The following EPHA5 variants were observed in gnomAD, a reference collection of about 807,000 sequenced individuals.
EPHA5 encodes ephrin type-A receptor 5.
In EPHA5, 60 loss-of-function variants were observed where a neutral mutation model predicts 105.0. That is an observed-to-expected ratio of 0.57 (90% CI 0.46 to 0.71). The LOEUF (loss-of-function observed/expected upper bound fraction) is 0.71, where lower values mean the gene tolerates loss of function less well. Among genes scored for constraint, EPHA5 ranks in the 30% least tolerant of loss-of-function variants. EPHA5 has a pLI of 0.00. For synonymous variants in EPHA5, 513 were observed against 449.1 expected, an observed-to-expected ratio of 1.14 and a Z score of -1.80; for missense variants, 1,218 against 1,274.7, an observed-to-expected ratio of 0.96 and a Z score of 0.68.
chr4:65,468,647 C>G (rs1488067770), intron 5 of EPHA5, among the ~76,000 whole-genome samples: 1 of 36,902 alleles, frequency 2.7e-5, no homozygotes, highest in Non-Finnish European at 5.3e-5. Context: ...AACATATATA[C>G]ATATATATGT....
chr4:65,554,015 T>G (rs1738167261), intron 3 of EPHA5, among the ~76,000 whole-genome samples: 1 of 151,808 alleles, frequency 6.6e-6, no homozygotes, highest in Admixed American at 6.6e-5. Flanking sequence ...AGAATATCTC[T>G]TAGCAAAATA....
intron 7 of EPHA5, among the ~76,000 whole-genome samples, chr4:65,414,002 C>A (rs1578058730): frequency 6.6e-6 from 1 of 152,148 alleles, no homozygotes; most frequent in South Asian, 2.1e-4. Flanking sequence ...AGTATGGCAG[C>A]AGTAGAAAGA....
At chr4:65,474,274 T>G (rs10004866) in intron 5 of EPHA5, among the ~76,000 whole-genome samples, 21,745 of 152,148 alleles carry the variant, frequency 0.14, 1,751 homozygotes, top group East Asian at 0.23. Context: ...GTTTTCATCT[T>G]CAAACGTCAT....
At chr4:65,500,899 G>A (rs1322135339) in intron 3 of EPHA5, among the ~76,000 whole-genome samples, 1 of 151,058 alleles carries the variant, frequency 6.6e-6, no homozygotes. Context: ...GTTGTTTGCA[G>A]TGTACAAGAT....
At chr4:65,664,430 G>A (rs1749795428) in intron 1 of EPHA5, among the ~76,000 whole-genome samples, 1 of 151,760 alleles carries the variant, frequency 6.6e-6, no homozygotes, top group Admixed American at 6.6e-5. Flanking sequence ...CTTAAAAAAT[G>A]AACCCATTTT....
At chr4:65,478,164 G>A (rs923747650) in intron 5 of EPHA5, among the ~76,000 whole-genome samples, 1 of 152,050 alleles carries the variant, frequency 6.6e-6, no homozygotes, top group Non-Finnish European at 1.5e-5. Context: ...CAATATAGAC[G>A]GGCAGCTTTA....
chr4:65,608,024 C>G (rs1453241195), intron 2 of EPHA5, among the ~76,000 whole-genome samples: 1 of 152,088 alleles, frequency 6.6e-6, no homozygotes, highest in East Asian at 1.9e-4. Context: ...GAGTTCATGT[C>G]CTTTTCAGGG....
At chr4:65,643,707 C>G (rs538777878) in intron 1 of EPHA5, among the ~76,000 whole-genome samples, 1 of 150,926 alleles carries the variant, frequency 6.6e-6, no homozygotes, top group East Asian at 1.9e-4. Flanking sequence ...AAAAAAAAAG[C>G]TAATAAGGAA....
chr4:65,590,663 G>T (rs4422466), intron 3 of EPHA5, among the ~76,000 whole-genome samples: 137,643 of 152,148 alleles, frequency 0.9, 62,333 homozygotes, highest in Admixed American at 0.92. Flanking sequence ...AAGAGAGAGA[G>T]ACAAATTAAG....
intron 5 of EPHA5, among the ~76,000 whole-genome samples, chr4:65,473,464 G>C (rs908722648): frequency 6.6e-6 from 1 of 152,160 alleles, no homozygotes; most frequent in Non-Finnish European, 1.5e-5. Flanking sequence ...GAGGCCTCAG[G>C]AAAGTTACAA....
intron 3 of EPHA5, among the ~76,000 whole-genome samples, chr4:65,521,551 A>G (rs1307356181): frequency 6.6e-6 from 1 of 152,004 alleles, no homozygotes; most frequent in Non-Finnish European, 1.5e-5. Context: ...AAAATCTGTT[A>G]TGTAAAAGTT....
chr4:65,640,425 A>G (rs979396611), intron 2 of EPHA5, among the ~76,000 whole-genome samples: 4 of 151,406 alleles, frequency 2.6e-5, no homozygotes, highest in African/African-American at 9.7e-5. Flanking sequence ...AGCTGGGACT[A>G]CAGGCGCCCA....
At chr4:65,632,071 C>T (rs937125293) in intron 2 of EPHA5, among the ~76,000 whole-genome samples, 1 of 151,912 alleles carries the variant, frequency 6.6e-6, no homozygotes, top group Admixed American at 6.6e-5. Flanking sequence ...ATCCTTATAA[C>T]AACCTTGTAC....
rs1231349896 is a variant in EPHA5, at chr4:65,365,000, T to A, written c.2173+17A>T. Reference sequence around the variant, plus strand: ...TGAGGATATGCACACACATGTATAATTTGCCATCATACTTACTTTTGGTCA... The same window carrying A: ...TGAGGATATGCACACACATGTATAAATTGCCATCATACTTACTTTTGGTCA... On this transcript the variant is annotated intron_variant, in intron 11 of 16. Coordinates refer to ENST00000613740, the MANE Select transcript of EPHA5 (RefSeq NM_001281766.3). 4 of 1,607,194 alleles carry A rather than the reference T, an allele frequency of 2.5e-6. No individual in the cohort carries two copies. The South Asian group carries it at 3.3e-5, about 13-fold the overall frequency.
chr4:65,422,863 A>G (rs1436797760), intron 5 of EPHA5, among the ~76,000 whole-genome samples: 1 of 152,108 alleles, frequency 6.6e-6, no homozygotes, highest in Non-Finnish European at 1.5e-5. Context: ...CCTTACATCT[A>G]GTGTCGCCTA....
At chr4:65,417,157 C>A (rs1270565205) in intron 6 of EPHA5, among the ~76,000 whole-genome samples, 4 of 152,170 alleles carry the variant, frequency 2.6e-5, no homozygotes, top group Non-Finnish European at 1.5e-5. Context: ...GGCAATGAGC[C>A]CATCATCACA....
intron 16 of EPHA5, 172 bp downstream of exon 16, chr4:65,331,801 T>C: frequency 7.9e-7 from 1 of 1,270,346 alleles, no homozygotes; most frequent in Non-Finnish European, 9.9e-7. Context: ...TGGCCACATG[T>C]AGCATTAACC....
chr4:65,573,682 C>A, intron 3 of EPHA5: 1 of 1,596,690 alleles, frequency 6.3e-7, no homozygotes, highest in Non-Finnish European at 8.5e-7. Context: ...AAGTACTCAG[C>A]CGCTAAATCC....
At chr4:65,484,266 C>T (rs896736986) in intron 5 of EPHA5, among the ~76,000 whole-genome samples, 2 of 152,136 alleles carry the variant, frequency 1.3e-5, no homozygotes, top group African/African-American at 4.8e-5. Context: ...TCCCGTTTTA[C>T]AGCCAGATTT....
Sources: allele counts gnomAD v4.1 joint callset (sites outside exome capture counted in the v4.1 genomes callset), GRCh38; gene constraint gnomAD v4.1.1; transcripts MANE v1.5; gene names NCBI Gene and HGNC (gene_info 2026-07-23, HGNC 2026-07-21).